Variants in RAI1 observed in about 807,000 individuals in gnomAD.
RAI1 encodes the protein retinoic acid-induced protein 1.
RAI1 carries 9 observed loss-of-function variants against 123.8 expected under a neutral mutation model. That is an observed-to-expected ratio of 0.07 (90% CI 0.04 to 0.13). RAI1 has a LOEUF of 0.13. Among genes scored for constraint, RAI1 ranks in the 10% least tolerant of loss-of-function variants. The pLI is 1.00. For synonymous variants in RAI1, 1,231 were observed against 1,127.3 expected (o/e 1.09, Z -1.84); for missense variants, 2,256 against 2,545.8 (o/e 0.89, Z 2.45).
intron 2 of RAI1, among the ~76,000 whole-genome samples, chr17:17,782,768 C>T (rs1047728878): frequency 5.3e-5 from 8 of 152,042 alleles, no homozygotes; most frequent in Admixed American, 3.9e-4. Context: ...CGCACCTCTC[C>T]GTCAGGTTTC....
intron 2 of RAI1, among the ~76,000 whole-genome samples, chr17:17,780,661 C>CT (rs2031542630): frequency 6.6e-6 from 1 of 152,176 alleles, no homozygotes; most frequent in Admixed American, 6.5e-5. Context: ...GAAGTAAAAT[C>CT]TATTGAGGCA....
intron 1 of RAI1, among the ~76,000 whole-genome samples, chr17:17,703,462 G>A (rs914186829): frequency 6.6e-6 from 1 of 152,110 alleles, no homozygotes; most frequent in Non-Finnish European, 1.5e-5. Flanking sequence ...TTGTAGCGTC[G>A]GGAGCAGGAG....
intron 2 of RAI1, among the ~76,000 whole-genome samples, chr17:17,776,315 T>C (rs749983663): frequency 6.6e-5 from 10 of 152,260 alleles, no homozygotes; most frequent in African/African-American, 2.2e-4. Flanking sequence ...TTAGGAGTTA[T>C]CACATGCTCA....
intron 2 of RAI1, chr17:17,759,532 G>A (rs747412797): frequency 1.3e-5 from 2 of 152,070 alleles, no homozygotes; most frequent in Non-Finnish European, 2.9e-5. Flanking sequence ...CCAGAACCAG[G>A]TACAGATACA....
At chr17:17,705,978 C>T (rs562870309) in intron 1 of RAI1, among the ~76,000 whole-genome samples, 2 of 147,440 alleles carry the variant, frequency 1.4e-5, no homozygotes, top group African/African-American at 2.5e-5. Flanking sequence ...GAGTTGAGAT[C>T]GCACCACTGC....
intron 1 of RAI1, among the ~76,000 whole-genome samples, chr17:17,689,484 A>T (rs1914765940): frequency 6.6e-6 from 1 of 152,190 alleles, no homozygotes; most frequent in African/African-American, 2.4e-5. Context: ...GACCCCAGGA[A>T]AGCATCCAGC....
Position 17,810,473 on chromosome 17 carries a change from G to T in RAI1, c.*492G>T. ...AACAGTACTGGAAGAGGCGGAGGGC[G>T]GCTCCTAGCTCCGTGGACTAGGCGG... On this transcript the variant is annotated 3_prime_UTR_variant, in exon 6 of 6. Transcript: ENST00000353383. The surrounding 1 kb of genome is among the most constrained non-coding windows in gnomAD (Gnocchi z 4.6). The T allele has an allele frequency of 4.0e-6, 1 of 249,972 alleles. No homozygotes were observed. Among genetic ancestry groups the T allele is most frequent in the Non-Finnish European group, 8.0e-6 (1 of 124,666 alleles). 15.5% of individuals were successfully genotyped at this position (249,972 alleles called of 1,614,324 possible).
chr17:17,789,732 C>T (rs547605660), intron 2 of RAI1, among the ~76,000 whole-genome samples: 8 of 152,304 alleles, frequency 5.3e-5, no homozygotes, highest in Non-Finnish European at 8.8e-5. Context: ...CACTAGACTC[C>T]GCTCCTCCTG....
chr17:17,788,951 CAGT>C (rs1288988566), intron 2 of RAI1, among the ~76,000 whole-genome samples: 2 of 152,222 alleles, frequency 1.3e-5, no homozygotes, highest in Non-Finnish European at 2.9e-5. Context: ...GCCTTGGTGA[CAGT>C]GGGTGGCTGG....
At chr17:17,761,965 T>C (rs914281317) in intron 2 of RAI1, among the ~76,000 whole-genome samples, 1 of 152,016 alleles carries the variant, frequency 6.6e-6, no homozygotes, top group Admixed American at 6.5e-5. Flanking sequence ...CAAGGGACTT[T>C]TGGTTGAACC....
Position 17,800,880 on chromosome 17 carries a change from C to T in RAI1, c.5565+2367C>T, listed in dbSNP as rs963419956. On this transcript the variant is annotated intron_variant, in intron 3 of 5. Coordinates refer to ENST00000353383, the MANE Select transcript of RAI1 (RefSeq NM_030665.4). The surrounding 1 kb of genome is among the most constrained non-coding windows in gnomAD (Gnocchi z 4.7). ...ACCCTGGTTCAAATCCCAGCTCTGC[C>T]GAGGGCTGGTTCCATAGCTCCAGGC... Among the ~76,000 whole-genome samples, 15 of 152,306 alleles carry T rather than the reference C, an allele frequency of 9.8e-5. No individual in the cohort carries two copies. The highest frequency in any genetic ancestry group is 2.6e-4 in the Admixed American group (4 of 15,306).
At position 17,803,808 on chromosome 17, in the gene RAI1, G is replaced by A. The variant is rs763038569; in HGVS notation, c.5618G>A (p.Gly1873Glu). 5 of 1,613,444 alleles carry A rather than the reference G, an allele frequency of 3.1e-6. 1 individual carries two copies. The Admixed American group carries it at 8.3e-5, about 27-fold the overall frequency. The change falls in exon 4 of 6, where the codon GGA (glycine) becomes GAA (glutamate). Residue 1873 changes from glycine to glutamate, a missense_variant. By Grantham distance (98) the Gly-to-Glu change is moderately conservative (BLOSUM62 -2). Coordinates refer to ENST00000353383, the MANE Select transcript of RAI1 (RefSeq NM_030665.4). ...GCCACCATTGGGTGCTGCCACAAAG[G>A]ATGCCTCCACACCTACCACTACCCG... ...AGATIGCCHK[G>E]CLHTYHYPCA... is the part of the protein sequence containing the mutation.
chr17:17,764,682 C>A (rs1296206005), intron 2 of RAI1, among the ~76,000 whole-genome samples: 1 of 151,934 alleles, frequency 6.6e-6, no homozygotes, highest in Non-Finnish European at 1.5e-5. Context: ...CAGGCTGGTC[C>A]TGAACTCCTG....
At chr17:17,749,031 C>T (rs1272883324) in intron 2 of RAI1, among the ~76,000 whole-genome samples, 1 of 152,196 alleles carries the variant, frequency 6.6e-6, no homozygotes, top group African/African-American at 2.4e-5. Flanking sequence ...GGGAAATGCA[C>T]AACAACACAT....
chr17:17,791,916 C>G (rs1280492910), intron 2 of RAI1, among the ~76,000 whole-genome samples: 2 of 152,150 alleles, frequency 1.3e-5, no homozygotes, highest in African/African-American at 2.4e-5. Context: ...GGTTAGACCC[C>G]TGCCTGAGCC....
At chr17:17,691,541 A>G (rs947493315) in intron 1 of RAI1, among the ~76,000 whole-genome samples, 1 of 152,192 alleles carries the variant, frequency 6.6e-6, no homozygotes, top group African/African-American at 2.4e-5. Flanking sequence ...GCCTTTGGGG[A>G]GGTCTTTCCA....
At chr17:17,707,714 T>A (rs541477358) in intron 1 of RAI1, among the ~76,000 whole-genome samples, 2 of 152,256 alleles carry the variant, frequency 1.3e-5, no homozygotes, top group East Asian at 3.9e-4. Context: ...CACCTCAGCC[T>A]CCTGAGTAGC....
rs1382448746 is a variant in RAI1 at position 17,793,059 on chromosome 17, G to T, written c.111G>T (p.Gly37=). 6.2e-7 allele frequency: 1 copy of T among 1,614,178 alleles called. No individual in the cohort carries two copies. The highest frequency in any genetic ancestry group is 1.7e-5 in the Admixed American group (1 of 60,032). Residue 37 remains glycine (G), a synonymous_variant, in exon 3 of 6, where the codon GGG becomes GGT. Coordinates refer to ENST00000353383, the MANE Select transcript of RAI1 (RefSeq NM_030665.4). ...ATTACAGGCAGCCGAGTCAGGCCGGGCTAAGCTGCGACCGGCAGCGGCTGC... is the reference window on the plus strand; with the variant it reads ...ATTACAGGCAGCCGAGTCAGGCCGGTCTAAGCTGCGACCGGCAGCGGCTGC... The part of the protein sequence containing the change: ...LENYRQPSQA[G]LSCDRQRLLA...
chr17:17,784,691 C>T (rs1209863190), intron 2 of RAI1, among the ~76,000 whole-genome samples: 1 of 152,170 alleles, frequency 6.6e-6, no homozygotes, highest in Middle Eastern at 3.2e-3. Context: ...ACCCATGGGC[C>T]TCAAGGCACA....
Sources: gnomAD v4.1 joint callset for allele counts (sites outside exome capture counted in the v4.1 genomes callset) on GRCh38, gnomAD v4.1.1 for gene constraint, Gnocchi (gnomAD v3.1) non-coding constraint, MANE v1.5 for transcripts, NCBI Gene and HGNC (gene_info 2026-07-23, HGNC 2026-07-21) for gene names.